The following ADAM29 variants were observed in gnomAD, a reference collection of about 807,000 sequenced individuals.
The protein encoded by ADAM29 is disintegrin and metalloproteinase domain-containing protein 29.
For synonymous variants in ADAM29, 367 were observed against 342.3 expected (o/e 1.07, Z -0.80); for missense variants, 969 against 1,001.8 (o/e 0.97, Z 0.44).
chr4:174,970,201 T>C (rs1418555351), intron 4 of ADAM29, among the ~76,000 whole-genome samples: 2 of 152,042 alleles, frequency 1.3e-5, no homozygotes. Context: ...GGAATAATTG[T>C]CTCCCAGAAA....
At chr4:174,954,309 A>T (rs1745366451) in intron 4 of ADAM29, among the ~76,000 whole-genome samples, 1 of 152,156 alleles carries the variant, frequency 6.6e-6, no homozygotes, top group Non-Finnish European at 1.5e-5. Flanking sequence ...TATTTTGAAG[A>T]TGCCAAATAA....
chr4:174,943,305 T>G (rs1744653625), intron 4 of ADAM29, among the ~76,000 whole-genome samples: 1 of 152,244 alleles, frequency 6.6e-6, no homozygotes, highest in South Asian at 2.1e-4. Context: ...CATTTTCAAG[T>G]ATCTTTATAT....
chr4:174,950,980 G>GC (rs1745141831), intron 4 of ADAM29, among the ~76,000 whole-genome samples: 2 of 151,812 alleles, frequency 1.3e-5, no homozygotes, highest in Non-Finnish European at 2.9e-5. Context: ...GTTTCCTGAG[G>GC]CCTCCCAGCC....
intron 4 of ADAM29, among the ~76,000 whole-genome samples, chr4:174,955,361 C>CA (rs1319136390): frequency 6.6e-6 from 1 of 151,848 alleles, no homozygotes; most frequent in Non-Finnish European, 1.5e-5. Flanking sequence ...CATGAATTAA[C>CA]AAAAACAAAA....
At chr4:174,935,648 A>G (rs940351784) in intron 3 of ADAM29, among the ~76,000 whole-genome samples, 17 of 152,208 alleles carry the variant, frequency 1.1e-4, no homozygotes, top group Non-Finnish European at 2.2e-4. Flanking sequence ...GACTTAATCT[A>G]TTTAGAAGTT....
intron 4 of ADAM29, among the ~76,000 whole-genome samples, chr4:174,973,755 ATC>A (rs1395347796): frequency 6.6e-6 from 1 of 152,136 alleles, no homozygotes; most frequent in Non-Finnish European, 1.5e-5. Flanking sequence ...TGCTGGTGCC[ATC>A]TGGGGCAGAA....
At chr4:174,950,824 C>T (rs1745125941) in intron 4 of ADAM29, among the ~76,000 whole-genome samples, 1 of 152,136 alleles carries the variant, frequency 6.6e-6, no homozygotes, top group Non-Finnish European at 1.5e-5. Context: ...CCCTTCTGTT[C>T]ATGTGATAGA....
intron 3 of ADAM29, among the ~76,000 whole-genome samples, chr4:174,932,466 A>T (rs1304405788): frequency 6.6e-6 from 1 of 152,178 alleles, no homozygotes; most frequent in East Asian, 1.9e-4. Context: ...CTCACATGGT[A>T]GCAAGGAAGG....
In ADAM29 at chr4:174,977,427, C is replaced by T. The variant is rs184911763; in HGVS notation, c.1902C>T (p.Gly634=). ...NCSPAFCNKR[G]ICNNKHHCHC... ...CACCTGCATTTTGTAACAAGAGGGGCATCTGCAACAATAAACATCACTGCC... is the reference window on the plus strand; with the variant it reads ...CACCTGCATTTTGTAACAAGAGGGGTATCTGCAACAATAAACATCACTGCC... Residue 634 remains glycine, a synonymous_variant, in exon 5 of 5, where the codon GGC becomes GGT. Coordinates refer to ENST00000359240, the MANE Select transcript of ADAM29 (RefSeq NM_014269.4). The T allele has an allele frequency of 1.9e-6, 3 of 1,613,706 alleles. No homozygotes were observed. Among genetic ancestry groups the T allele is most frequent in the Non-Finnish European group, 1.7e-6 (2 of 1,179,836 alleles).
At position 174,922,657 on chromosome 4, in the gene ADAM29, G is replaced by A. The variant is rs1357524278; in HGVS notation, c.-451+1865G>A. On this transcript the variant is annotated intron_variant, in intron 2 of 4. Coordinates refer to ENST00000359240, the MANE Select transcript of ADAM29 (RefSeq NM_014269.4). ...GAGACCCTCACGGCTGTGACAGTGG[G>A]TAGAGAAAGTTACCATTTGAAATAT... 2.6e-5 allele frequency among the ~76,000 whole-genome samples: 4 copies of A among 152,094 alleles called. No individual in the cohort carries two copies. The South Asian group carries it at 6.2e-4, about 24-fold the overall frequency.
At chr4:174,957,929 AT>A (rs1169045530) in intron 4 of ADAM29, among the ~76,000 whole-genome samples, 1 of 151,810 alleles carries the variant, frequency 6.6e-6, no homozygotes, top group Non-Finnish European at 1.5e-5. Context: ...ATCTTACAAG[AT>A]TCACTGCTCA....
At chr4:174,929,721 T>A (rs1211314192) in intron 2 of ADAM29, among the ~76,000 whole-genome samples, 1 of 150,918 alleles carries the variant, frequency 6.6e-6, no homozygotes, top group African/African-American at 2.4e-5. Flanking sequence ...TGTTTATACA[T>A]CTCTCCTTCA....
chr4:174,944,020 T>C (rs1166726034), intron 4 of ADAM29, among the ~76,000 whole-genome samples: 2 of 151,948 alleles, frequency 1.3e-5, no homozygotes, highest in Non-Finnish European at 2.9e-5. Context: ...AACACTGTTA[T>C]ATAGTAATGT....
intron 4 of ADAM29, among the ~76,000 whole-genome samples, chr4:174,947,301 G>A (rs1444330309): frequency 2.0e-5 from 3 of 151,916 alleles, no homozygotes; most frequent in Non-Finnish European, 2.9e-5. Flanking sequence ...CTTTGGGGTT[G>A]GTTTGCTATT....
intron 2 of ADAM29, among the ~76,000 whole-genome samples, chr4:174,928,665 C>T (rs537271712): frequency 7.3e-5 from 11 of 151,196 alleles, no homozygotes; most frequent in African/African-American, 2.4e-4. Context: ...AAATTTAACT[C>T]CCCTGAAACA....
rs1416804911 is a variant in ADAM29 at position 174,976,200 on chromosome 4, A to G, written c.675A>G (p.Leu225=). 1.2e-6 allele frequency: 2 copies of G among 1,607,770 alleles called. No individual in the cohort carries two copies. The highest frequency in any genetic ancestry group is 1.3e-5 in the African/African-American group (1 of 74,520). ...ACGACTCAAAGTTGCTGGAGGATCT[A>G]TATGTTATTGTTAATATAGTGGATT... ...ERNDSKLLED[L]YVIVNIVDSI... The change falls in exon 5 of 5, where the codon CTA becomes CTG. Residue 225 remains leucine, a synonymous_variant. Coordinates refer to ENST00000359240, the MANE Select transcript of ADAM29 (RefSeq NM_014269.4).
At chr4:174,967,302 T>C (rs1462296258) in intron 4 of ADAM29, among the ~76,000 whole-genome samples, 1 of 151,176 alleles carries the variant, frequency 6.6e-6, no homozygotes, top group Non-Finnish European at 1.5e-5. Flanking sequence ...ACAAGATTTT[T>C]CTTTTATTAT....
At chr4:174,921,514 A>G (rs1743164217) in intron 2 of ADAM29, among the ~76,000 whole-genome samples, 1 of 152,182 alleles carries the variant, frequency 6.6e-6, no homozygotes. Flanking sequence ...ATGGTCCCCA[A>G]CAACCAATTT....
chr4:174,959,861 G>A (rs1251216989), intron 4 of ADAM29, among the ~76,000 whole-genome samples: 1 of 152,002 alleles, frequency 6.6e-6, no homozygotes, highest in African/African-American at 2.4e-5. Context: ...ATGTAGCCAT[G>A]TCAATGTGTC....
Sources: allele counts gnomAD v4.1 joint callset (sites outside exome capture counted in the v4.1 genomes callset), GRCh38; gene constraint gnomAD v4.1.1; transcripts MANE v1.5; gene names NCBI Gene and HGNC (gene_info 2026-07-23, HGNC 2026-07-21).